ELMO1: variants seen among roughly 807,000 people sequenced by gnomAD.
ELMO1 encodes engulfment and cell motility 1.
In ELMO1, 26 loss-of-function variants were observed where a neutral mutation model predicts 98.9. That is an observed-to-expected ratio of 0.26 (90% CI 0.19 to 0.36). The LOEUF (loss-of-function observed/expected upper bound fraction) is 0.36, where lower values mean the gene tolerates loss of function less well. Among genes scored for constraint, ELMO1 ranks in the 10% least tolerant of loss-of-function variants. The probability of loss-of-function intolerance (pLI) is 1.00; values close to 1 mark genes in which losing one functional copy is unlikely to be tolerated. For missense variants in ELMO1, 627 were observed against 935.2 expected, an observed-to-expected ratio of 0.67 and a Z score of 4.30; for synonymous variants, 346 against 346.0, an observed-to-expected ratio of 1.00 and a Z score of 0.00.
chr7:37,239,190 G>T (rs1794630906), intron 7 of ELMO1, among the ~76,000 whole-genome samples: 1 of 151,822 alleles, frequency 6.6e-6, no homozygotes, highest in Non-Finnish European at 1.5e-5. Flanking sequence ...TTCTGAGATG[G>T]AGTCTCGCTC....
intron 1 of ELMO1, among the ~76,000 whole-genome samples, chr7:37,408,757 G>A (rs1803878279): frequency 6.6e-6 from 1 of 152,138 alleles, no homozygotes; most frequent in Admixed American, 6.5e-5. Flanking sequence ...AGGGGCTGGG[G>A]AGAAGGGAAA....
chr7:37,226,345 T>C (rs1370918524), intron 8 of ELMO1, among the ~76,000 whole-genome samples: 1 of 152,186 alleles, frequency 6.6e-6, no homozygotes. Flanking sequence ...TTACTATCCT[T>C]GGCAAGCCCT....
intron 15 of ELMO1, among the ~76,000 whole-genome samples, chr7:37,028,984 T>A (rs955573693): frequency 2.6e-5 from 4 of 152,178 alleles, no homozygotes; most frequent in African/African-American, 9.7e-5. Flanking sequence ...AGTTCTCCTA[T>A]GAACTCCCCA....
chr7:37,028,944 T>A (rs1360213351), intron 15 of ELMO1, among the ~76,000 whole-genome samples: 1 of 152,152 alleles, frequency 6.6e-6, no homozygotes, highest in African/African-American at 2.4e-5. Flanking sequence ...CAGCCACTGT[T>A]CTCAGTGTTT....
chr7:37,141,649 G>A (rs1787649684), intron 13 of ELMO1, among the ~76,000 whole-genome samples: 1 of 152,122 alleles, frequency 6.6e-6, no homozygotes, highest in Non-Finnish European at 1.5e-5. Flanking sequence ...AAAGAAAACT[G>A]CTTTTGCCTC....
chr7:37,026,308 T>C (rs1794575806), intron 15 of ELMO1, among the ~76,000 whole-genome samples: 1 of 152,124 alleles, frequency 6.6e-6, no homozygotes, highest in Non-Finnish European at 1.5e-5. Context: ...TGACTTTAGA[T>C]TACACCTTAA....
At chr7:36,858,721 A>T (rs1376215858) in intron 21 of ELMO1, among the ~76,000 whole-genome samples, 1 of 152,192 alleles carries the variant, frequency 6.6e-6, no homozygotes, top group African/African-American at 2.4e-5. Flanking sequence ...AGTACGAAAG[A>T]GGAGGCTGAA....
intron 17 of ELMO1, among the ~76,000 whole-genome samples, chr7:36,893,466 C>T (rs1030570743): frequency 6.6e-6 from 1 of 152,200 alleles, no homozygotes; most frequent in African/African-American, 2.4e-5. Flanking sequence ...GCCAAAGCGC[C>T]TTGGAAGCAT....
chr7:37,207,137 G>A (rs75927320), intron 13 of ELMO1, among the ~76,000 whole-genome samples: 1,986 of 152,302 alleles, frequency 0.013, 50 homozygotes, highest in African/African-American at 0.046. Flanking sequence ...ACAATCAAGA[G>A]GGACAACTTT....
At chr7:37,166,851 G>C (rs1384193739) in intron 13 of ELMO1, among the ~76,000 whole-genome samples, 6 of 152,236 alleles carry the variant, frequency 3.9e-5, no homozygotes, top group South Asian at 4.1e-4. Flanking sequence ...ATGTCTATTA[G>C]GTCTGCTTGG....
At chr7:37,296,375 C>T (rs1389899185) in intron 4 of ELMO1, among the ~76,000 whole-genome samples, 1 of 152,174 alleles carries the variant, frequency 6.6e-6, no homozygotes, top group South Asian at 2.1e-4. Context: ...TTCGCTATTT[C>T]TCGGGGCCAA....
chr7:37,399,379 G>A (rs192333969), intron 1 of ELMO1, among the ~76,000 whole-genome samples: 5 of 152,254 alleles, frequency 3.3e-5, no homozygotes, highest in African/African-American at 1.2e-4. Flanking sequence ...TTGCTGAAGG[G>A]ACCACCAATT....
chr7:37,206,432 A>G (rs1438361152), intron 13 of ELMO1, among the ~76,000 whole-genome samples: 2 of 152,242 alleles, frequency 1.3e-5, no homozygotes, highest in African/African-American at 4.8e-5. Context: ...GTTGAAGCCT[A>G]GTAGCATTTA....
At chr7:36,962,376 A>C (rs993905063) in intron 16 of ELMO1, among the ~76,000 whole-genome samples, 1 of 152,244 alleles carries the variant, frequency 6.6e-6, no homozygotes, top group African/African-American at 2.4e-5. Context: ...AGGGGAATGC[A>C]TCATGAGATT....
intron 1 of ELMO1, among the ~76,000 whole-genome samples, chr7:37,345,048 A>G (rs1362178930): frequency 6.6e-6 from 1 of 152,250 alleles, no homozygotes; most frequent in Non-Finnish European, 1.5e-5. Context: ...AGTTATATAA[A>G]TAACTAACTT....
chr7:37,340,786 G>A (rs1291944043), intron 2 of ELMO1, among the ~76,000 whole-genome samples: 1 of 152,056 alleles, frequency 6.6e-6, no homozygotes. Flanking sequence ...CATCTCCAAA[G>A]GCAGAGAACA....
rs1378720575 is a variant in ELMO1, at chr7:37,271,645, T to G, written c.243+187A>C. On this transcript the variant is annotated intron_variant, in intron 5 of 21. Transcript: ENST00000310758. Reference sequence around the variant, plus strand: ...CTTGCCCTTCGCCTGGAATAAGGTCTTCCTCCTCTGCAGTGGGAAATCTAC... The same window carrying G: ...CTTGCCCTTCGCCTGGAATAAGGTCGTCCTCCTCTGCAGTGGGAAATCTAC... 5.0e-6 allele frequency: 3 copies of G among 600,316 alleles called. No homozygotes were observed. The African/African-American group carries it at 5.6e-5, about 11-fold the overall frequency. 37.2% of individuals were successfully genotyped at this position (600,316 alleles called of 1,614,324 possible).
rs571167635 is a variant in ELMO1 at position 37,019,020 on chromosome 7, CA to C, written c.1301-5586del. ...TATGTCAAAAACCTACTGAACTATT[CA>C]GACTTCAAAGCTGAAATTTCACATG... On this transcript the variant is annotated intron_variant, in intron 15 of 21. Coordinates refer to ENST00000310758, the MANE Select transcript of ELMO1 (RefSeq NM_014800.11). 7.9e-5 allele frequency among the ~76,000 whole-genome samples: 12 copies of C among 152,276 alleles called. No homozygotes were observed. The South Asian group carries it at 2.5e-3, about 32-fold the overall frequency.
intron 15 of ELMO1, among the ~76,000 whole-genome samples, chr7:37,084,296 T>C (rs1783641276): frequency 6.6e-6 from 1 of 152,154 alleles, no homozygotes; most frequent in Admixed American, 6.5e-5. Context: ...TATTAAAAAT[T>C]TAGCAATGTC....
Sources: allele counts gnomAD v4.1 joint callset (sites outside exome capture counted in the v4.1 genomes callset), GRCh38; gene constraint gnomAD v4.1.1; transcripts MANE v1.5; gene names NCBI Gene and HGNC (gene_info 2026-07-23, HGNC 2026-07-21).